The following TASP1 variants were observed in gnomAD, a reference collection of about 807,000 sequenced individuals.
TASP1 encodes taspase 1, also known as threonine aspartase 1.
A neutral mutation model predicts 56.6 loss-of-function variants in TASP1; 16 were observed. The observed-to-expected ratio is 0.28, with a 90% CI of 0.19 to 0.43. The LOEUF is 0.43. Ranked by LOEUF, TASP1 falls within the 20% of genes least tolerant of loss-of-function variation. TASP1 has a pLI of 1.00. For missense variants in TASP1, 393 were observed against 511.6 expected (o/e 0.77, Z 2.24); for synonymous variants, 179 against 184.2 (o/e 0.97, Z 0.23).
downstream of TASP1, among the ~76,000 whole-genome samples, chr20:13,387,184 A>ATTATTTTTTTTTTTTTTTTTTTTTTTT (rs2041169495): frequency 1.4e-5 from 1 of 70,696 alleles, no homozygotes; most frequent in African/African-American, 6.7e-5. Context: ...ACATGATTTC[A>ATTATTTTTTTTTTTTTTTTTTTTTTTT]TTTTTTTTTT....
At chr20:13,593,275 G>A (rs1229713610) in intron 4 of TASP1, among the ~76,000 whole-genome samples, 1 of 152,132 alleles carries the variant, frequency 6.6e-6, no homozygotes, top group Non-Finnish European at 1.5e-5. Flanking sequence ...CCGGTCTGCA[G>A]CTCCCAACAT....
chr20:13,297,980 G>A, the TASP1 span, among the ~76,000 whole-genome samples: 1 of 152,174 alleles, frequency 6.6e-6, no homozygotes, highest in Non-Finnish European at 1.5e-5. Context: ...CTAAGGTTAA[G>A]AGGCTGGGGG....
At chr20:13,524,645 T>C (rs897289714) in intron 10 of TASP1, among the ~76,000 whole-genome samples, 3 of 152,182 alleles carry the variant, frequency 2.0e-5, no homozygotes, top group Non-Finnish European at 4.4e-5. Context: ...AAGCTGAGAA[T>C]AAGAAAAGCT....
At chr20:13,152,709 G>A in the TASP1 span, among the ~76,000 whole-genome samples, 178 of 152,190 alleles carry the variant, frequency 1.2e-3, no homozygotes, top group African/African-American at 4.0e-3. Context: ...ATTAAGACTG[G>A]CCCTCATACC....
At chr20:13,421,215 C>T (rs2042423452) in intron 12 of TASP1, among the ~76,000 whole-genome samples, 1 of 149,910 alleles carries the variant, frequency 6.7e-6, no homozygotes, top group Non-Finnish European at 1.5e-5. Flanking sequence ...CAGGTTCAAG[C>T]GATTCTCGAT....
chr20:13,363,956 A>G, the TASP1 span, among the ~76,000 whole-genome samples: 1 of 152,196 alleles, frequency 6.6e-6, no homozygotes, highest in Non-Finnish European at 1.5e-5. Context: ...TACTTACGCA[A>G]TTTATCAAGA....
chr20:13,362,703 G>A, the TASP1 span, among the ~76,000 whole-genome samples: 2 of 151,332 alleles, frequency 1.3e-5, no homozygotes, highest in East Asian at 1.9e-4. Flanking sequence ...AATACATACT[G>A]CATGATTCTG....
chr20:13,209,485 G>A, the TASP1 span, among the ~76,000 whole-genome samples: 2 of 152,054 alleles, frequency 1.3e-5, no homozygotes, highest in Non-Finnish European at 2.9e-5. Flanking sequence ...ATTCTTTTAT[G>A]AATTCTTTCT....
chr20:13,386,636 AG>A (rs2041164760), downstream of TASP1, among the ~76,000 whole-genome samples: 1 of 152,156 alleles, frequency 6.6e-6, no homozygotes, highest in African/African-American at 2.4e-5. Flanking sequence ...ACTTGTCTGC[AG>A]GTCACTGGTA....
chr20:13,289,568 T>C, the TASP1 span, among the ~76,000 whole-genome samples: 1 of 152,120 alleles, frequency 6.6e-6, no homozygotes, highest in South Asian at 2.1e-4. Context: ...AGACCTGTTT[T>C]TGTGTGTCCC....
the TASP1 span, among the ~76,000 whole-genome samples, chr20:13,260,850 G>A: frequency 4.6e-5 from 7 of 152,162 alleles, no homozygotes; most frequent in African/African-American, 1.4e-4. Flanking sequence ...ATGACTCTCT[G>A]GGTCAGCAGG....
intron 8 of TASP1, among the ~76,000 whole-genome samples, chr20:13,555,742 G>A (rs374884520): frequency 3.4e-4 from 52 of 152,266 alleles, no homozygotes; most frequent in East Asian, 1.3e-3. Flanking sequence ...ATGGCATCTA[G>A]AATAGTGAGT....
the TASP1 span, among the ~76,000 whole-genome samples, chr20:13,280,156 G>A: frequency 6.6e-6 from 1 of 151,992 alleles, no homozygotes; most frequent in Non-Finnish European, 1.5e-5. Context: ...GGATCTTTGG[G>A]GTTCTTTCTG....
At chr20:13,213,755 G>A in the TASP1 span, among the ~76,000 whole-genome samples, 3 of 152,040 alleles carry the variant, frequency 2.0e-5, no homozygotes, top group Non-Finnish European at 4.4e-5. Context: ...ACCCACAATT[G>A]GGAAAAATCT....
At chr20:13,410,305 C>T (rs1239966826) in intron 13 of TASP1, among the ~76,000 whole-genome samples, 1 of 152,130 alleles carries the variant, frequency 6.6e-6, no homozygotes, top group Non-Finnish European at 1.5e-5. Flanking sequence ...GCACAGGTAT[C>T]CCTTTGATGT....
the TASP1 span, chr20:13,299,762 T>C: frequency 3.5e-6 from 1 of 287,724 alleles, no homozygotes; most frequent in Non-Finnish European, 6.6e-6. This position sits in a 1 kb window ranked among gnomAD's most constrained non-coding sequence, Gnocchi z 5.8. Context: ...TGCGACTCAA[T>C]TCACACCCGG....
the TASP1 span, among the ~76,000 whole-genome samples, chr20:13,315,580 TC>T: frequency 6.6e-6 from 1 of 152,012 alleles, no homozygotes; most frequent in Non-Finnish European, 1.5e-5. Flanking sequence ...GAATCCATTA[TC>T]ATAGTTACAG....
the TASP1 span, among the ~76,000 whole-genome samples, chr20:13,176,503 T>G: frequency 6.6e-6 from 1 of 152,250 alleles, no homozygotes; most frequent in Non-Finnish European, 1.5e-5. Flanking sequence ...TTATGTGATG[T>G]ACAATGTTTA....
the TASP1 span, among the ~76,000 whole-genome samples, chr20:13,136,604 CAT>C: frequency 1.4e-3 from 192 of 136,040 alleles, no homozygotes; most frequent in African/African-American, 4.4e-3. Flanking sequence ...CATCTAAAAA[CAT>C]ATATATATAT....
Sources: gnomAD v4.1 joint callset for allele counts (sites outside exome capture counted in the v4.1 genomes callset) on GRCh38, gnomAD v4.1.1 for gene constraint, Gnocchi (gnomAD v3.1) non-coding constraint, MANE v1.5 for transcripts, NCBI Gene and HGNC (gene_info 2026-07-23, HGNC 2026-07-21) for gene names.